The following SH3GLB2 variants were observed in gnomAD, a reference collection of about 807,000 sequenced individuals.
SH3GLB2 encodes the protein endophilin-B2.
In SH3GLB2, 24 loss-of-function variants were observed where a neutral mutation model predicts 48.0. That is an observed-to-expected ratio of 0.50 (90% CI 0.36 to 0.70). The LOEUF (loss-of-function observed/expected upper bound fraction) is 0.70. SH3GLB2 is among the 30% of genes least tolerant of loss of function. The pLI, the probability that SH3GLB2 is intolerant of heterozygous loss-of-function variation, is 0.00. For missense variants in SH3GLB2, 425 were observed against 516.0 expected (o/e 0.82, Z 1.71); for synonymous variants, 227 against 207.6 (o/e 1.09, Z -0.80).
At position 129,014,523 on chromosome 9, in the gene SH3GLB2, G is replaced by A. The variant is rs1843312338; in HGVS notation, c.469-20C>T. On this transcript the variant is annotated intron_variant, in intron 4 of 10. Transcript: ENST00000372564. This position sits in a 1 kb window ranked among gnomAD's most constrained non-coding sequence, Gnocchi z 4.1. ...CTCCTTCTACAGGGCAGGGCATGGGGACAGTGAGACCCTGGGCTGCCCTGG... is the reference window on the plus strand; with the variant it reads ...CTCCTTCTACAGGGCAGGGCATGGGAACAGTGAGACCCTGGGCTGCCCTGG... 6.4e-7 allele frequency: 1 copy of A among 1,550,716 alleles called. No individual in the cohort carries two copies. The highest frequency in any genetic ancestry group is 1.4e-5 in the African/African-American group (1 of 73,058).
Position 129,009,847 on chromosome 9 carries a change from C to T in SH3GLB2, c.763G>A (p.Glu255Lys), listed in dbSNP as rs140235546. 8.0e-5 allele frequency: 129 copies of T among 1,613,928 alleles called. No homozygotes were observed. The highest frequency in any genetic ancestry group is 4.3e-4 in the South Asian group (39 of 91,036). The change falls in exon 9 of 11, where the codon GAG (glutamate) becomes AAG (lysine). Residue 255 changes from glutamate to lysine, a missense_variant. Physicochemically the swap from Glu to Lys is moderately conservative, Grantham distance 56. Transcript: ENST00000372564. ...THVNHLRCLH[E>K]FVKSQTTYYA... ...TAGGTTGTCTGAGACTTGACGAACTCGTGGAGGCAGCGCAGGTGGTTCACC... is the reference window on the plus strand; with the variant it reads ...TAGGTTGTCTGAGACTTGACGAACTTGTGGAGGCAGCGCAGGTGGTTCACC...
chr9:129,028,066 G>A (rs762527776), intron 1 of SH3GLB2, 26 bp downstream of exon 1: 1 of 1,497,314 alleles, frequency 6.7e-7, no homozygotes. Context: ...CGGGCCCCCG[G>A]CGCACGGCGC....
In SH3GLB2 at chr9:129,012,271, G is replaced by A. The variant is rs1843171005; in HGVS notation, c.589C>T (p.Pro197Ser). 4 of 1,304,448 alleles carry A rather than the reference G, an allele frequency of 3.1e-6. No homozygotes were observed. In the African/African-American group the frequency reaches 6.0e-5, roughly 20 times the overall value. 80.8% of individuals were successfully genotyped at this position (1,304,448 alleles called of 1,614,324 possible). The change falls in exon 6 of 11, where the codon CCT becomes TCT. Residue 197 changes from proline (P) to serine (S), a missense_variant. Physicochemically the swap from Pro to Ser is moderately conservative, Grantham distance 74 (BLOSUM62 -1). Coordinates refer to ENST00000372564, the MANE Select transcript of SH3GLB2 (RefSeq NM_020145.4). The part of the protein sequence containing the change: ...TTVPDFQETR[P>S]RNYILSASAS... ...CTGGCCGAGAGAATGTAATTACGAG[G>A]TCTAGTCTCCTGAAAGTCAGGCACC...
intron 7 of SH3GLB2, 55 bp from the exon 8 acceptor site, chr9:129,010,264 C>A: frequency 6.7e-7 from 1 of 1,483,996 alleles, no homozygotes; most frequent in South Asian, 1.1e-5. Flanking sequence ...AGCTTCCCCG[C>A]AGTCTTCTCC....
chr9:129,009,369 A>G (rs773000956), intron 9 of SH3GLB2, 23 bp from the exon 10 acceptor site: 1 of 1,550,876 alleles, frequency 6.4e-7, no homozygotes, highest in South Asian at 1.2e-5. Flanking sequence ...GATACATCTT[A>G]GCAGGTGGGA....
chr9:129,016,582 C>T (rs781018936), intron 3 of SH3GLB2, among the ~76,000 whole-genome samples: 81 of 151,204 alleles, frequency 5.4e-4, no homozygotes, highest in Non-Finnish European at 8.3e-4. Context: ...CGCTTGAAAC[C>T]GGGAGGTGGA....
intron 5 of SH3GLB2, chr9:129,013,183 G>A: frequency 1.4e-6 from 1 of 702,474 alleles, no homozygotes; most frequent in Non-Finnish European, 2.5e-6. Context: ...GTCCTAACGT[G>A]TGCGTGCTTA....
Position 129,028,098 on chromosome 9 carries a change from C to T in SH3GLB2, c.57G>A (p.Ala19=). The change falls in exon 1 of 11, where the codon GCG becomes GCA. Residue 19 remains alanine (A), a synonymous_variant. Coordinates refer to ENST00000372564, the MANE Select transcript of SH3GLB2 (RefSeq NM_020145.4). Reference sequence around the variant, plus strand: ...GCGCGACGCCAGGCCTCACCTGCACCGCCCGGGTGAAGAAGATGCCCGCGT... The same window carrying T: ...GCGCGACGCCAGGCCTCACCTGCACTGCCCGGGTGAAGAAGATGCCCGCGT... ...ASDAGIFFTR[A]VQFTEEKFGQ... 7 of 1,501,412 alleles carry T rather than the reference C, an allele frequency of 4.7e-6. No homozygotes were observed. The highest frequency in any genetic ancestry group is 5.3e-6 in the Non-Finnish European group (6 of 1,128,244). The allele number at this position is 1,501,412 out of a possible 1,614,324, so 93.0% of individuals were successfully genotyped here. A position where few individuals can be genotyped will look rare whatever the true frequency, so the allele number is the denominator to read the frequency against.
rs541290450 is a variant in SH3GLB2 at position 129,014,946 on chromosome 9, C to T, written c.335-42G>A. The T allele has an allele frequency of 2.6e-5, 41 of 1,598,592 alleles. 1 individual carries two copies. The South Asian group carries it at 3.8e-4, about 15-fold the overall frequency. ...GAAGCGTGAGGAAGAAGGTCAGGCT[C>T]AGGCTACTCTGATCTACAGGAGAGG... On this transcript the variant is annotated intron_variant, in intron 3 of 10. Transcript: ENST00000372564. The surrounding 1 kb of genome is among the most constrained non-coding windows in gnomAD (Gnocchi z 4.1).
Position 129,014,402 on chromosome 9 carries a change from G to A in SH3GLB2, c.561+9C>T, listed in dbSNP as rs545189568. 5.5e-5 allele frequency: 85 copies of A among 1,549,564 alleles called. No homozygotes were observed. The South Asian group carries it at 8.2e-4, about 15-fold the overall frequency. ...GGCCAGGAGGCCAGCGGGGAGCGGG[G>A]ACACCTACCGTGGCTTTGGCTTCTG... On this transcript the variant is annotated intron_variant, in intron 5 of 10. Transcript: ENST00000372564. The surrounding 1 kb of genome is among the most constrained non-coding windows in gnomAD (Gnocchi z 4.1).
Position 129,010,111 on chromosome 9 carries a change from G to A in SH3GLB2, c.738+9C>T. 7 of 1,612,154 alleles carry A rather than the reference G, an allele frequency of 4.3e-6. No homozygotes were observed. Among genetic ancestry groups the A allele is most frequent in the Non-Finnish European group, 5.9e-6 (7 of 1,178,288 alleles). ...GTTAGGTTTAGTGAGGGTGGGCAGT[G>A]GGACTCACGTGAGTGCTACTGATTC... On this transcript the variant is annotated intron_variant, in intron 8 of 10. Coordinates refer to ENST00000372564, the MANE Select transcript of SH3GLB2 (RefSeq NM_020145.4).
chr9:129,014,544 C>G lies in SH3GLB2; in HGVS notation c.469-41G>C, dbSNP rs1271938525. ...TGGGGACAGTGAGACCCTGGGCTGC[C>G]CTGGGAGACCCTGAGCCATGCATGG... is the stretch of plus-strand genomic sequence containing the variant. On this transcript the variant is annotated intron_variant, in intron 4 of 10. Coordinates refer to ENST00000372564, the MANE Select transcript of SH3GLB2 (RefSeq NM_020145.4). This position sits in a 1 kb window ranked among gnomAD's most constrained non-coding sequence, Gnocchi z 4.1. 1 of 1,541,340 alleles carries G rather than the reference C, an allele frequency of 6.5e-7. No individual in the cohort carries two copies. The highest frequency in any genetic ancestry group is 2.0e-5 in the Admixed American group (1 of 50,972).
Position 129,028,283 on chromosome 9 carries a change from T to TGCCCGCCTGCCCGCCCGCCC in SH3GLB2, c.-130_-129insGGGCGGGCGGGCAGGCGGGC, listed in dbSNP as rs991651738. 2.1e-6 allele frequency: 1 copy of TGCCCGCCTGCCCGCCCGCCC among 474,428 alleles called. No homozygotes were observed. The highest frequency in any genetic ancestry group is 2.1e-5 in the African/African-American group (1 of 46,568). 29.4% of individuals were successfully genotyped at this position (474,428 alleles called of 1,614,324 possible). On this transcript the variant is annotated 5_prime_UTR_variant, in exon 1 of 11. Transcript: ENST00000372564. ...CCCTCCGCGCACCCGCCTGCCGGCC[T>TGCCCGCCTGCCCGCCCGCCC]GCCCGCCTGCCCGCCCGCCGCAGCC...
Position 129,010,813 on chromosome 9 carries a change from C to CA in SH3GLB2, c.625-121_625-120insT, listed in dbSNP as rs200754457. 4,444 of 1,266,000 alleles carry CA rather than the reference C, an allele frequency of 3.5e-3. 79 individuals carry two copies. Among genetic ancestry groups the CA allele is most frequent in the African/African-American group, 0.024 (1,625 of 67,160 alleles). The allele number at this position is 1,266,000 out of a possible 1,614,324, so 78.4% of individuals were successfully genotyped here. A position where few individuals can be genotyped will look rare whatever the true frequency, so the allele number is the denominator to read the frequency against. The stretch of plus-strand genomic sequence containing the variant: ...CTTCTGCCCCCCTGCCCCTCTGCCC[C>CA]CCCTCCCAAACAGGAGCTGAGACTG... On this transcript the variant is annotated intron_variant, in intron 6 of 10. Transcript: ENST00000372564.
chr9:129,021,001 T>A, intron 3 of SH3GLB2, 90 bp downstream of exon 3: 1 of 1,279,588 alleles, frequency 7.8e-7, no homozygotes, highest in East Asian at 2.8e-5. Context: ...TTTGTATAAT[T>A]ATTTTTTTAA....
chr9:129,028,249 G>A lies in SH3GLB2; in HGVS notation c.-95C>T. On this transcript the variant is annotated 5_prime_UTR_variant, in exon 1 of 11. Coordinates refer to ENST00000372564, the MANE Select transcript of SH3GLB2 (RefSeq NM_020145.4). ...AACCGCACCCCGCCCACCTGCTGCG[G>A]GGCACCAGCCCTCCGCGCACCCGCC... 8.2e-6 allele frequency: 7 copies of A among 857,160 alleles called. No individual in the cohort carries two copies. The highest frequency in any genetic ancestry group is 9.9e-6 in the Non-Finnish European group (7 of 705,426). The allele number at this position is 857,160 out of a possible 1,614,324, so 53.1% of individuals were successfully genotyped here.
intron 3 of SH3GLB2, 28 bp downstream of exon 3, chr9:129,021,063 C>A (rs1166595660): frequency 6.5e-7 from 1 of 1,549,862 alleles, no homozygotes; most frequent in Non-Finnish European, 8.7e-7. Flanking sequence ...ACCATGACCC[C>A]TAGTCCCTGG....
intron 5 of SH3GLB2, chr9:129,013,762 T>C (rs10819457): frequency 0.41 from 95,881 of 232,346 alleles, 20,304 homozygotes; most frequent in Admixed American, 0.47. Context: ...CTGGCAGCCC[T>C]GAGCAACCTC....
intron 3 of SH3GLB2, among the ~76,000 whole-genome samples, chr9:129,018,785 G>A (rs1843605218): frequency 6.6e-6 from 1 of 151,090 alleles, no homozygotes; most frequent in African/African-American, 2.5e-5. Context: ...CCAGCTACTC[G>A]GGAGGCTGAG....
Sources: allele counts gnomAD v4.1 joint callset (sites outside exome capture counted in the v4.1 genomes callset), GRCh38; gene constraint gnomAD v4.1.1; non-coding constraint Gnocchi (gnomAD v3.1); transcripts MANE v1.5; gene names NCBI Gene and HGNC (gene_info 2026-07-23, HGNC 2026-07-21).